Variants in CCDC30 observed in about 807,000 individuals in gnomAD.
The protein encoded by CCDC30 is coiled-coil domain containing 30, also known as coiled-coil domain-containing protein 30.
In CCDC30, 70 loss-of-function variants were observed where a neutral mutation model predicts 100.2. The ratio of observed to expected loss-of-function variants is 0.70; its 90% CI spans 0.58 to 0.85. CCDC30 has a LOEUF of 0.85. Ranked by LOEUF, CCDC30 falls within the 40% of genes least tolerant of loss-of-function variation. The probability of loss-of-function intolerance (pLI) is 0.00; values close to 1 mark genes in which losing one functional copy is unlikely to be tolerated. For synonymous variants in CCDC30, 233 were observed against 269.5 expected (o/e 0.86, Z 1.33); for missense variants, 652 against 771.2 (o/e 0.85, Z 1.83).
chr1:42,548,879 A>G (rs1254251788), intron 6 of CCDC30, among the ~76,000 whole-genome samples: 1 of 152,220 alleles, frequency 6.6e-6, no homozygotes, highest in Non-Finnish European at 1.5e-5. Flanking sequence ...GGGCACATGC[A>G]CACAGAAGCT....
intron 11 of CCDC30, among the ~76,000 whole-genome samples, chr1:42,630,068 G>C (rs1021881394): frequency 6.8e-6 from 1 of 147,498 alleles, no homozygotes; most frequent in Non-Finnish European, 1.5e-5. Flanking sequence ...TCTAGCTCCC[G>C]GGTTCAAGCG....
intron 10 of CCDC30, among the ~76,000 whole-genome samples, chr1:42,603,513 A>G (rs1646445512): frequency 6.6e-6 from 1 of 152,246 alleles, no homozygotes; most frequent in Admixed American, 6.5e-5. Flanking sequence ...GTAAACTGGA[A>G]ATATGGGAAA....
At chr1:42,583,752 G>A (rs1646014138) in intron 9 of CCDC30, among the ~76,000 whole-genome samples, 2 of 152,298 alleles carry the variant, frequency 1.3e-5, no homozygotes, top group Middle Eastern at 6.8e-3. Context: ...TATGGGAACT[G>A]GTTATGCAGT....
intron 10 of CCDC30, among the ~76,000 whole-genome samples, chr1:42,607,844 C>T (rs1387111538): frequency 6.6e-6 from 1 of 152,158 alleles, no homozygotes. Context: ...TAGATTGATT[C>T]CATCTATGCT....
At chr1:42,631,320 T>C (rs1277459846) in intron 11 of CCDC30, among the ~76,000 whole-genome samples, 1 of 152,176 alleles carries the variant, frequency 6.6e-6, no homozygotes, top group Non-Finnish European at 1.5e-5. Context: ...CCTTACTTTC[T>C]CCTAGACAAA....
chr1:42,601,532 A>C (rs1332745033), intron 10 of CCDC30, among the ~76,000 whole-genome samples: 1 of 152,174 alleles, frequency 6.6e-6, no homozygotes, highest in East Asian at 1.9e-4. Context: ...AGGGCATCCC[A>C]TTTTGGGACA....
intron 6 of CCDC30, chr1:42,537,555 C>A: frequency 8.9e-6 from 3 of 335,240 alleles, no homozygotes; most frequent in South Asian, 7.1e-5. Flanking sequence ...AGCTCCTCTC[C>A]TGAAGTAAAT....
At chr1:42,578,453 T>C (rs1263466584) in intron 8 of CCDC30, among the ~76,000 whole-genome samples, 1 of 152,212 alleles carries the variant, frequency 6.6e-6, no homozygotes, top group East Asian at 1.9e-4. Flanking sequence ...AAGTCAGATT[T>C]CATTGAGTAC....
intron 1 of CCDC30, among the ~76,000 whole-genome samples, chr1:42,474,820 T>C (rs1364288801): frequency 6.6e-6 from 1 of 152,206 alleles, no homozygotes; most frequent in Non-Finnish European, 1.5e-5. Flanking sequence ...GTACTTAATA[T>C]AGTGCCTGGA....
chr1:42,554,574 A>T (rs904612017), intron 6 of CCDC30, among the ~76,000 whole-genome samples: 1 of 152,038 alleles, frequency 6.6e-6, no homozygotes, highest in African/African-American at 2.4e-5. Flanking sequence ...ACCACACCTG[A>T]CCATGGCTCT....
At chr1:42,630,771 T>C (rs1184054574) in intron 11 of CCDC30, among the ~76,000 whole-genome samples, 3 of 152,214 alleles carry the variant, frequency 2.0e-5, no homozygotes, top group Non-Finnish European at 2.9e-5. Context: ...CATTCTGCAG[T>C]ATGCCTATTG....
At chr1:42,600,495 AC>A in intron 10 of CCDC30, among the ~76,000 whole-genome samples, 1 of 152,264 alleles carries the variant, frequency 6.6e-6, no homozygotes, top group Middle Eastern at 3.4e-3. Context: ...AGCAGATTAC[AC>A]ATTCTTCTCA....
At chr1:42,533,553 C>A (rs953732563) in intron 6 of CCDC30, among the ~76,000 whole-genome samples, 9 of 152,188 alleles carry the variant, frequency 5.9e-5, no homozygotes, top group African/African-American at 1.9e-4. Flanking sequence ...ATTTTCTACA[C>A]CATAACAACT....
chr1:42,624,643 C>CTAATTTT, intron 11 of CCDC30, among the ~76,000 whole-genome samples: 1 of 152,136 alleles, frequency 6.6e-6, no homozygotes, highest in South Asian at 2.1e-4. Flanking sequence ...TGATGCCCAA[C>CTAATTTT]TAATTTTTAA....
intron 8 of CCDC30, among the ~76,000 whole-genome samples, chr1:42,579,057 C>G (rs1020059803): frequency 2.0e-5 from 3 of 152,196 alleles, no homozygotes; most frequent in African/African-American, 7.2e-5. Flanking sequence ...GTGGCGCTAT[C>G]TCGGCTCACT....
intron 6 of CCDC30, among the ~76,000 whole-genome samples, chr1:42,527,396 A>G (rs933719845): frequency 5.9e-5 from 9 of 152,154 alleles, no homozygotes; most frequent in African/African-American, 2.2e-4. Context: ...TATCAACTAC[A>G]TTGTGACCTT....
rs114700812 is a variant in CCDC30, at chr1:42,491,920, G to A, written c.241+1691G>A. ...CGAGGAACCAAAATTGCATCTGATA[G>A]CCTCAAGCGTCGTGTGTTTGAAGTG... On this transcript the variant is annotated intron_variant, in intron 4 of 16. Coordinates refer to ENST00000668663, the Ensembl canonical transcript of CCDC30. 592 of 600,322 alleles carry A rather than the reference G, an allele frequency of 9.9e-4. 7 individuals are homozygous for A. In the African/African-American group the frequency reaches 0.01, roughly 10 times the overall value. 37.2% of individuals were successfully genotyped at this position (600,322 alleles called of 1,614,324 possible).
chr1:42,583,413 G>T (rs894746870), intron 9 of CCDC30, among the ~76,000 whole-genome samples: 6 of 152,100 alleles, frequency 3.9e-5, no homozygotes, highest in Admixed American at 3.9e-4. Flanking sequence ...TTCTTCTACC[G>T]AAAGGGGACC....
At chr1:42,468,431 A>T (rs1330851327) in intron 1 of CCDC30, among the ~76,000 whole-genome samples, 1 of 151,764 alleles carries the variant, frequency 6.6e-6, no homozygotes, top group Non-Finnish European at 1.5e-5. Context: ...CCTTAAGGAC[A>T]GTTTCTGGAA....
Sources: gnomAD v4.1 joint callset for allele counts (sites outside exome capture counted in the v4.1 genomes callset) on GRCh38, gnomAD v4.1.1 for gene constraint, MANE v1.5 for transcripts, NCBI Gene and HGNC (gene_info 2026-07-23, HGNC 2026-07-21) for gene names.